COP1: variants seen among roughly 807,000 people sequenced by gnomAD.
The protein encoded by COP1 is COP1 E3 ubiquitin ligase, also known as E3 ubiquitin-protein ligase COP1.
Under a neutral mutation model 101.3 loss-of-function variants are expected in COP1, and 24 were observed. That is an observed-to-expected ratio of 0.24 (90% confidence interval 0.17 to 0.33). COP1 has a LOEUF of 0.33. Among genes scored for constraint, COP1 ranks in the 10% least tolerant of loss-of-function variants. COP1 has a pLI of 1.00. For missense variants in COP1, 663 were observed against 906.2 expected, an observed-to-expected ratio of 0.73 and a Z score of 3.45; for synonymous variants, 347 against 341.9, an observed-to-expected ratio of 1.01 and a Z score of -0.17.
Position 175,947,201 on chromosome 1 carries a change from T to G in COP1, c.2172A>C (p.Thr724=). ...NVLIAANSQG[T]IKVLELV is the part of the protein sequence containing the mutation. Reference sequence around the variant, plus strand: ...GATATAGTAAATAGCTTACCTTAATTGTACCCTGACTGTTAGCAGCAATCA... The same window carrying G: ...GATATAGTAAATAGCTTACCTTAATGGTACCCTGACTGTTAGCAGCAATCA... The change falls in exon 19 of 20, where the codon ACA becomes ACC. Residue 724 remains threonine, a synonymous_variant. Transcript: ENST00000367669. The G allele has an allele frequency of 6.2e-7, 1 of 1,607,512 alleles. No individual in the cohort carries two copies. Among genetic ancestry groups the G allele is most frequent in the South Asian group, 1.1e-5 (1 of 90,906 alleles).
chr1:176,085,642 G>T, intron 10 of COP1, 134 bp downstream of exon 10: 1 of 459,858 alleles, frequency 2.2e-6, no homozygotes. Context: ...GAACCTCCAT[G>T]ATGATCTGGT....
chr1:176,177,742 T>C (rs1283809715), intron 2 of COP1, among the ~76,000 whole-genome samples: 1 of 152,196 alleles, frequency 6.6e-6, no homozygotes, highest in Non-Finnish European at 1.5e-5. Flanking sequence ...GATTTTTATA[T>C]CCACTTACCT....
chr1:176,003,893 C>T (rs541115497), intron 15 of COP1, among the ~76,000 whole-genome samples: 11 of 152,122 alleles, frequency 7.2e-5, no homozygotes, highest in Non-Finnish European at 1.3e-4. Context: ...TGAAGAAAGG[C>T]GTTGGTAGCT....
intron 18 of COP1, among the ~76,000 whole-genome samples, chr1:175,973,641 G>A (rs1035685999): frequency 6.6e-6 from 1 of 152,044 alleles, no homozygotes. Flanking sequence ...CCCTACCACT[G>A]GAAATGTTCA....
At chr1:176,135,801 C>G (rs1689700858) in intron 7 of COP1, among the ~76,000 whole-genome samples, 2 of 151,966 alleles carry the variant, frequency 1.3e-5, no homozygotes. Context: ...GCTAATGCAA[C>G]CTCAGCTCAA....
intron 5 of COP1, among the ~76,000 whole-genome samples, chr1:176,150,753 T>C (rs1401462458): frequency 6.6e-6 from 1 of 152,200 alleles, no homozygotes; most frequent in Non-Finnish European, 1.5e-5. Context: ...TATGTAAATA[T>C]GACAAGAATG....
Position 176,162,997 on chromosome 1 carries a change from G to T in COP1, c.643-9C>A. ...TGCCACCTGTGGCCATTCTAAAAAT[G>T]AAGAAAGAAGAAACACAACAACTTC... On this transcript the variant is annotated splice_polypyrimidine_tract_variant and intron_variant, in intron 4 of 19. Coordinates refer to ENST00000367669, the MANE Select transcript of COP1 (RefSeq NM_022457.7). 1 of 1,587,254 alleles carries T rather than the reference G, an allele frequency of 6.3e-7. No homozygotes were observed. The highest frequency in any genetic ancestry group is 8.5e-7 in the Non-Finnish European group (1 of 1,170,304).
rs573902528 is a variant in COP1, at chr1:176,061,388, A to AGGCC, written c.1278-15068_1278-15065dup. Among the ~76,000 whole-genome samples the AGGCC allele has an allele frequency of 2.1e-4, 32 of 152,302 alleles. No homozygotes were observed. The South Asian group carries it at 4.8e-3, about 23-fold the overall frequency. ...CACGCCTGTAATCCCAGCACTTGGGAGGCCGAGGTGGGCAGATCACCTGAG... is the reference window on the plus strand; with the variant it reads ...CACGCCTGTAATCCCAGCACTTGGGAGGCCGGCCGAGGTGGGCAGATCACCTGAG... On this transcript the variant is annotated intron_variant, in intron 11 of 19. Coordinates refer to ENST00000367669, the MANE Select transcript of COP1 (RefSeq NM_022457.7).
At chr1:176,127,281 C>G (rs1228758605) in intron 8 of COP1, among the ~76,000 whole-genome samples, 1 of 152,040 alleles carries the variant, frequency 6.6e-6, no homozygotes, top group Non-Finnish European at 1.5e-5. Context: ...CCTTGTTGCA[C>G]AACAGAACAC....
At chr1:176,182,882 G>A (rs1179048748) in intron 2 of COP1, among the ~76,000 whole-genome samples, 2 of 152,056 alleles carry the variant, frequency 1.3e-5, no homozygotes, top group Admixed American at 6.5e-5. Context: ...AAAGTAAAAT[G>A]ACTTAAAAAA....
chr1:175,966,602 T>G (rs957282832), intron 18 of COP1, among the ~76,000 whole-genome samples: 4 of 152,150 alleles, frequency 2.6e-5, no homozygotes, highest in Non-Finnish European at 5.9e-5. Context: ...GCTTATCACA[T>G]GTCTGGGCTT....
chr1:175,967,189 G>A (rs1456971572), intron 18 of COP1, among the ~76,000 whole-genome samples: 1 of 152,092 alleles, frequency 6.6e-6, no homozygotes, highest in Non-Finnish European at 1.5e-5. Context: ...CCACAAACAA[G>A]GATCCTCATA....
intron 9 of COP1, among the ~76,000 whole-genome samples, chr1:176,089,551 T>A (rs921521445): frequency 1.3e-5 from 2 of 152,210 alleles, no homozygotes; most frequent in Non-Finnish European, 2.9e-5. Flanking sequence ...CAATGCCAAA[T>A]GCATAAAGTA....
chr1:176,152,820 T>A (rs1692838773), intron 5 of COP1, among the ~76,000 whole-genome samples: 1 of 152,190 alleles, frequency 6.6e-6, no homozygotes. Flanking sequence ...CTATAAAATG[T>A]GCAGGTAACA....
intron 15 of COP1, among the ~76,000 whole-genome samples, chr1:176,011,285 A>G (rs1455238409): frequency 6.6e-6 from 1 of 152,206 alleles, no homozygotes; most frequent in Non-Finnish European, 1.5e-5. Context: ...TCAAGTGCTC[A>G]ACAGCCAAAT....
chr1:176,206,661 T>G lies in COP1; in HGVS notation c.318A>C (p.Leu106=). The change falls in exon 1 of 20, where the codon CTA becomes CTC. Residue 106 remains leucine, a synonymous_variant. Coordinates refer to ENST00000367669, the MANE Select transcript of COP1 (RefSeq NM_022457.7). ...GAGGTCGCTTCCTGCTGCCGCTGCC[T>G]AGGCTGGAGCTGCTGCCTCCTACGC... ...SAGVGGSSSS[L]GSGSRKRPLL... 1.2e-6 allele frequency: 2 copies of G among 1,611,168 alleles called. No individual in the cohort carries two copies. Among genetic ancestry groups the G allele is most frequent in the Non-Finnish European group, 1.7e-6 (2 of 1,179,930 alleles).
At chr1:176,092,265 G>A (rs1681467667) in intron 9 of COP1, among the ~76,000 whole-genome samples, 1 of 152,078 alleles carries the variant, frequency 6.6e-6, no homozygotes, top group Admixed American at 6.5e-5. Flanking sequence ...TCTGAAGCAT[G>A]CATAGAACAT....
intron 18 of COP1, among the ~76,000 whole-genome samples, chr1:175,977,125 T>G (rs1178896418): frequency 6.6e-6 from 1 of 152,160 alleles, no homozygotes; most frequent in Non-Finnish European, 1.5e-5. Context: ...CGGATTTACT[T>G]TCTACACAAT....
chr1:175,991,096 T>G lies in COP1; in HGVS notation c.1730-1617A>C, dbSNP rs143810723. Reference sequence around the variant, plus strand: ...CATTGGAGCATTTCAGATTTTGGATTTGAGATGCTGAACAGTAAGTACAAT... The same window carrying G: ...CATTGGAGCATTTCAGATTTTGGATGTGAGATGCTGAACAGTAAGTACAAT... On this transcript the variant is annotated intron_variant, in intron 15 of 19. Transcript: ENST00000367669. Among the ~76,000 whole-genome samples, 255 of 152,174 alleles carry G rather than the reference T, an allele frequency of 1.7e-3. 1 individual carries two copies. Among genetic ancestry groups the G allele is most frequent in the African/African-American group, 5.9e-3 (244 of 41,536 alleles).
Sources: allele counts gnomAD v4.1 joint callset (sites outside exome capture counted in the v4.1 genomes callset), GRCh38; gene constraint gnomAD v4.1.1; transcripts MANE v1.5; gene names NCBI Gene and HGNC (gene_info 2026-07-23, HGNC 2026-07-21).